Variants in BAIAP2L1 observed in about 807,000 individuals in gnomAD.
BAIAP2L1 encodes BAR/IMD domain containing adaptor protein 2 like 1.
A neutral mutation model predicts 66.3 loss-of-function variants in BAIAP2L1; 35 were observed. The observed-to-expected ratio is 0.53, with a 90% CI of 0.40 to 0.70. The LOEUF is 0.70. BAIAP2L1 is among the 30% of genes least tolerant of loss of function. The pLI is 0.00. For missense variants in BAIAP2L1, 622 were observed against 656.9 expected (o/e 0.95, Z 0.58); for synonymous variants, 269 against 248.7 (o/e 1.08, Z -0.77).
At chr7:98,356,803 C>CA (rs912962930) in intron 2 of BAIAP2L1, among the ~76,000 whole-genome samples, 2 of 147,832 alleles carry the variant, frequency 1.4e-5, no homozygotes, top group African/African-American at 5.0e-5. Context: ...ATAAGGAGAC[C>CA]CCCCCATATC....
intron 3 of BAIAP2L1, among the ~76,000 whole-genome samples, chr7:98,326,373 G>A (rs964141727): frequency 5.9e-5 from 9 of 152,202 alleles, no homozygotes; most frequent in African/African-American, 1.7e-4. Context: ...TCATTCCTCC[G>A]TGTCTAGCTG....
At chr7:98,362,527 T>A in intron 1 of BAIAP2L1, 95 bp from the exon 2 acceptor site, 1 of 946,822 alleles carries the variant, frequency 1.1e-6, no homozygotes, top group Non-Finnish European at 1.7e-6. Context: ...TAGCTATGGA[T>A]GCCTAACAGC....
intron 3 of BAIAP2L1, among the ~76,000 whole-genome samples, chr7:98,325,630 G>C (rs111348809): frequency 2.6e-5 from 4 of 151,150 alleles, no homozygotes; most frequent in African/African-American, 9.7e-5. Flanking sequence ...GTGAGCCAAG[G>C]TCGTGCTACT....
intron 12 of BAIAP2L1, among the ~76,000 whole-genome samples, chr7:98,302,094 A>G (rs999006396): frequency 2.0e-5 from 3 of 152,240 alleles, no homozygotes; most frequent in African/African-American, 7.2e-5. Flanking sequence ...AGGTTTAAGA[A>G]TGAAGCCAGG....
chr7:98,330,027 A>G (rs1052609003), intron 3 of BAIAP2L1, among the ~76,000 whole-genome samples: 2 of 152,190 alleles, frequency 1.3e-5, no homozygotes, highest in Non-Finnish European at 2.9e-5. Flanking sequence ...AGCTTCCTCT[A>G]TCGTTAAATC....
At chr7:98,380,735 CG>C (rs1304643085) in intron 1 of BAIAP2L1, among the ~76,000 whole-genome samples, 3 of 109,476 alleles carry the variant, frequency 2.7e-5, no homozygotes, top group Admixed American at 9.2e-5. Flanking sequence ...ATATCCGGTC[CG>C]TTTTTTTTTT....
chr7:98,329,961 G>A (rs1215046954), intron 3 of BAIAP2L1, among the ~76,000 whole-genome samples: 1 of 152,086 alleles, frequency 6.6e-6, no homozygotes, highest in African/African-American at 2.4e-5. Flanking sequence ...CAACAGCAGC[G>A]AGAAAAAACA....
chr7:98,401,085 C>T lies in BAIAP2L1; in HGVS notation c.-233G>A. 2.7e-6 allele frequency: 1 copy of T among 371,274 alleles called. No individual in the cohort carries two copies. The highest frequency in any genetic ancestry group is 4.7e-6 in the Non-Finnish European group (1 of 212,634). 23.0% of individuals were successfully genotyped at this position (371,274 alleles called of 1,614,324 possible). A position where few individuals can be genotyped will look rare whatever the true frequency, so the allele number is the denominator to read the frequency against. ...GCAGAGGAGAAGCGGCCGGACGCCG[C>T]CAGAGGAAGCTGGGCGGGCCGGGCG... On this transcript the variant is annotated 5_prime_UTR_variant, in exon 1 of 14. Coordinates refer to ENST00000005260, the MANE Select transcript of BAIAP2L1 (RefSeq NM_018842.5).
At chr7:98,305,612 G>C (rs1800626026) in intron 11 of BAIAP2L1, among the ~76,000 whole-genome samples, 4 of 152,198 alleles carry the variant, frequency 2.6e-5, no homozygotes, top group Non-Finnish European at 5.9e-5. Context: ...TGTAGAGATG[G>C]GGATCTTGCT....
At chr7:98,389,977 G>A (rs943599502) in intron 1 of BAIAP2L1, among the ~76,000 whole-genome samples, 6 of 143,790 alleles carry the variant, frequency 4.2e-5, no homozygotes, top group African/African-American at 1.3e-4. Flanking sequence ...GTGCAGTGGC[G>A]GGATCTTGGC....
In BAIAP2L1 at chr7:98,293,498, C is replaced by G. The variant is rs1002092709; in HGVS notation, c.*23G>C. On this transcript the variant is annotated 3_prime_UTR_variant, in exon 14 of 14. Transcript: ENST00000005260. The stretch of plus-strand genomic sequence containing the variant: ...TCCGCAAGGGAGAACCGGAGAGGCC[C>G]GGGAGAGTCCTTGGCTGTCCTCTCA... The G allele has an allele frequency of 1.2e-6, 2 of 1,606,522 alleles. No individual in the cohort carries two copies. The highest frequency in any genetic ancestry group is 1.7e-5 in the Admixed American group (1 of 59,970).
intron 13 of BAIAP2L1, 131 bp downstream of exon 13, chr7:98,293,943 C>A: frequency 9.3e-7 from 1 of 1,076,844 alleles, no homozygotes; most frequent in South Asian, 1.4e-5. Context: ...GGCTGCACTC[C>A]CCCATGGCTC....
intron 1 of BAIAP2L1, among the ~76,000 whole-genome samples, chr7:98,384,128 T>C (rs138864982): frequency 0.014 from 2,037 of 144,828 alleles, 51 homozygotes; most frequent in African/African-American, 0.049. Context: ...CAATCCAGCC[T>C]GGGCAACAAG....
intron 1 of BAIAP2L1, among the ~76,000 whole-genome samples, chr7:98,384,693 C>CTT (rs11413562): frequency 0.032 from 3,813 of 118,634 alleles, 304 homozygotes; most frequent in African/African-American, 0.086. Context: ...ATCATTCTAC[C>CTT]TTTTTTTTTT....
chr7:98,386,693 G>GTTTTTTTTTTTTTTTT (rs71112150), intron 1 of BAIAP2L1: 1 of 155,918 alleles, frequency 6.4e-6, no homozygotes, highest in Non-Finnish European at 1.1e-5. Context: ...CTTTCCAAAG[G>GTTTTTTTTTTTTTTTT]TTTTTTTTTT....
At chr7:98,326,463 AAACT>A (rs750332581) in intron 3 of BAIAP2L1, among the ~76,000 whole-genome samples, 45 of 152,188 alleles carry the variant, frequency 3.0e-4, no homozygotes, top group East Asian at 7.7e-4. Flanking sequence ...ACTGTGCTCA[AAACT>A]AACTAACTAA....
At chr7:98,299,810 G>GCGGGAGGATCACCTGAGAT (rs1193666830) in intron 12 of BAIAP2L1, among the ~76,000 whole-genome samples, 3 of 152,146 alleles carry the variant, frequency 2.0e-5, no homozygotes, top group African/African-American at 7.2e-5. Context: ...GGAGGCTGAG[G>GCGGGAGGATCACCTGAGAT]CGGGAGGATC....
At position 98,317,009 on chromosome 7, in the gene BAIAP2L1, C is replaced by A. The variant is rs572482320; in HGVS notation, c.486+210G>T. Among the ~76,000 whole-genome samples the A allele has an allele frequency of 5.3e-5, 8 of 152,014 alleles. No homozygotes were observed. In the East Asian group the frequency reaches 1.2e-3, roughly 22 times the overall value. Reference sequence around the variant, plus strand: ...CTCCGAGTAGCTGTGACTACAGGTACCTGCCATCACCCCAGCTAGTTTTTG... The same window carrying A: ...CTCCGAGTAGCTGTGACTACAGGTAACTGCCATCACCCCAGCTAGTTTTTG... On this transcript the variant is annotated intron_variant, in intron 6 of 13. Transcript: ENST00000005260.
chr7:98,298,160 G>A (rs1211115599), intron 12 of BAIAP2L1, among the ~76,000 whole-genome samples: 1 of 152,244 alleles, frequency 6.6e-6, no homozygotes, highest in Non-Finnish European at 1.5e-5. Flanking sequence ...AGAAGCCCCT[G>A]CTCTCAGATC....
Sources: gnomAD v4.1 joint callset for allele counts (sites outside exome capture counted in the v4.1 genomes callset) on GRCh38, gnomAD v4.1.1 for gene constraint, MANE v1.5 for transcripts, NCBI Gene and HGNC (gene_info 2026-07-23, HGNC 2026-07-21) for gene names.